Variants in SMARCA4 observed in about 807,000 individuals in gnomAD.
The protein encoded by SMARCA4 is SWI/SNF-related matrix-associated actin-dependent regulator of chromatin subfamily A member 4.
Under a neutral mutation model 193.9 loss-of-function variants are expected in SMARCA4, and 31 were observed. The observed-to-expected ratio is 0.16, with a 90% confidence interval of 0.12 to 0.22. The LOEUF is 0.22. Among genes scored for constraint, SMARCA4 ranks in the 10% least tolerant of loss-of-function variants. The probability of loss-of-function intolerance (pLI) is 1.00; values close to 1 mark genes in which losing one functional copy is unlikely to be tolerated. For missense variants in SMARCA4, 1,148 were observed against 2,296.0 expected (o/e 0.50, Z 10.22); for synonymous variants, 942 against 933.1 (o/e 1.01, Z -0.17).
In SMARCA4 at chr19:10,984,508, C is replaced by G; in HGVS notation, c.222+135C>G. 1.4e-6 allele frequency: 2 copies of G among 1,468,762 alleles called. No homozygotes were observed. The highest frequency in any genetic ancestry group is 2.5e-5 in the South Asian group (2 of 79,790). The allele number at this position is 1,468,762 out of a possible 1,614,324, so 91.0% of individuals were successfully genotyped here. A position where few individuals can be genotyped will look rare whatever the true frequency, so the allele number is the denominator to read the frequency against. Reference sequence around the variant, plus strand: ...GAGGTGTCCTGCCTTGGCTCAGCCCCCTACCCCAGGGCCCACGGCCATGAA... The same window carrying G: ...GAGGTGTCCTGCCTTGGCTCAGCCCGCTACCCCAGGGCCCACGGCCATGAA... On this transcript the variant is annotated intron_variant, in intron 2 of 34. Coordinates refer to ENST00000344626, the MANE Select transcript of SMARCA4 (RefSeq NM_003072.5). The surrounding 1 kb of genome is among the most constrained non-coding windows in gnomAD (Gnocchi z 4.3).
chr19:11,034,822 G>C lies in SMARCA4; in HGVS notation c.3952-92G>C. On this transcript the variant is annotated intron_variant, in intron 28 of 34. Transcript: ENST00000344626. This position sits in a 1 kb window ranked among gnomAD's most constrained non-coding sequence, Gnocchi z 7.0. ...AGCAGCGTGGAGCCCCACGGGCAGAGAAAGGCCCTTCTGAACTCTCGGTGT... is the reference window on the plus strand; with the variant it reads ...AGCAGCGTGGAGCCCCACGGGCAGACAAAGGCCCTTCTGAACTCTCGGTGT... 1.2e-6 allele frequency: 1 copy of C among 849,444 alleles called. No individual in the cohort carries two copies. Among genetic ancestry groups the C allele is most frequent in the Non-Finnish European group, 1.9e-6 (1 of 520,446 alleles). The allele number at this position is 849,444 out of a possible 1,614,324, so 52.6% of individuals were successfully genotyped here. A position where few individuals can be genotyped will look rare whatever the true frequency, so the allele number is the denominator to read the frequency against.
chr19:10,995,350 G>A lies in SMARCA4; in HGVS notation c.1593+349G>A, dbSNP rs143255428. 6.1e-4 allele frequency: 300 copies of A among 490,792 alleles called. 1 individual carries two copies. Among genetic ancestry groups the A allele is most frequent in the African/African-American group, 5.4e-3 (281 of 51,602 alleles). 30.4% of individuals were successfully genotyped at this position (490,792 alleles called of 1,614,324 possible). A position where few individuals can be genotyped will look rare whatever the true frequency, so the allele number is the denominator to read the frequency against. ...TCTCTGACCATTTATTTGTGACTGA[G>A]TCGCTGGTTGGGCAGATATTGGCAG... On this transcript the variant is annotated intron_variant, in intron 9 of 34. Transcript: ENST00000344626.
rs751879908 is a variant in SMARCA4, at chr19:11,058,318, G to A, written c.4488G>A (p.Glu1496=). Residue 1496 remains glutamate, a synonymous_variant, in exon 31 of 35, where the codon GAG becomes GAA. Coordinates refer to ENST00000344626, the MANE Select transcript of SMARCA4 (RefSeq NM_003072.5). This position sits in a 1 kb window ranked among gnomAD's most constrained non-coding sequence, Gnocchi z 5.8. Reference sequence around the variant, plus strand: ...TGCCCTCGCGAAAGGAGCTGCCCGAGTACTACGAGCTCATCCGCAAGCCCG... The same window carrying A: ...TGCCCTCGCGAAAGGAGCTGCCCGAATACTACGAGCTCATCCGCAAGCCCG... ...IQLPSRKELP[E]YYELIRKPVD... The A allele has an allele frequency of 1.9e-6, 3 of 1,613,532 alleles. No individual in the cohort carries two copies. Among genetic ancestry groups the A allele is most frequent in the Non-Finnish European group, 2.5e-6 (3 of 1,179,922 alleles).
intron 30 of SMARCA4, among the ~76,000 whole-genome samples, chr19:11,049,220 G>A (rs1191425110): frequency 6.6e-6 from 1 of 152,146 alleles, no homozygotes; most frequent in African/African-American, 2.4e-5. Flanking sequence ...GGCTTGAGTG[G>A]GGCTGCGCCA....
intron 16 of SMARCA4, among the ~76,000 whole-genome samples, chr19:11,017,159 G>A (rs552717443): frequency 6.6e-6 from 1 of 152,206 alleles, no homozygotes; most frequent in Non-Finnish European, 1.5e-5. Flanking sequence ...TCTGAGTGAG[G>A]ACCACAGGTT....
At position 10,987,433 on chromosome 19, in the gene SMARCA4, C is replaced by T. The variant is rs748973358; in HGVS notation, c.860-233C>T. Among the ~76,000 whole-genome samples, 1 of 152,144 alleles carries T rather than the reference C, an allele frequency of 6.6e-6. No homozygotes were observed. Among genetic ancestry groups the T allele is most frequent in the African/African-American group, 2.4e-5 (1 of 41,434 alleles). On this transcript the variant is annotated intron_variant, in intron 5 of 34. Coordinates refer to ENST00000344626, the MANE Select transcript of SMARCA4 (RefSeq NM_003072.5). This position sits in a 1 kb window ranked among gnomAD's most constrained non-coding sequence, Gnocchi z 5.3. The stretch of plus-strand genomic sequence containing the variant: ...TAGAGCCACAGACAGAACAAAAAGG[C>T]CTTGGGAGCCTGGGGCTGGCCCCAG...
chr19:11,046,485 C>A (rs2075925138), intron 30 of SMARCA4, among the ~76,000 whole-genome samples: 2 of 152,076 alleles, frequency 1.3e-5, no homozygotes, highest in Non-Finnish European at 2.9e-5. Flanking sequence ...TGGGGGTCGC[C>A]CATTGGACTG....
In SMARCA4 at chr19:11,041,598, T is replaced by G. The variant is rs2075618534; in HGVS notation, c.4424+38T>G. 2 of 1,596,254 alleles carry G rather than the reference T, an allele frequency of 1.3e-6. No homozygotes were observed. Among genetic ancestry groups the G allele is most frequent in the Admixed American group, 3.3e-5 (2 of 59,792 alleles). On this transcript the variant is annotated intron_variant, in intron 30 of 34. Transcript: ENST00000344626. The surrounding 1 kb of genome is among the most constrained non-coding windows in gnomAD (Gnocchi z 5.6). Reference sequence around the variant, plus strand: ...GCGGGGAGGGCGGGGGCTGTAGGGGTCCCCGTGGGAGCAGGCCTGGCATCT... The same window carrying G: ...GCGGGGAGGGCGGGGGCTGTAGGGGGCCCCGTGGGAGCAGGCCTGGCATCT...
At position 11,024,323 on chromosome 19, in the gene SMARCA4, C is replaced by A. The variant is rs762963492; in HGVS notation, c.2974-8C>A. On this transcript the variant is annotated splice_region_variant and splice_polypyrimidine_tract_variant and intron_variant, in intron 20 of 34. Coordinates refer to ENST00000344626, the MANE Select transcript of SMARCA4 (RefSeq NM_003072.5). ...TGGGCCCTCGTGAGCATTATGTGTCCCCTGCAGGTGGAGTACGTCATCAAG... is the reference window on the plus strand; with the variant it reads ...TGGGCCCTCGTGAGCATTATGTGTCACCTGCAGGTGGAGTACGTCATCAAG... The A allele has an allele frequency of 6.3e-7, 1 of 1,597,302 alleles. No individual in the cohort carries two copies. The highest frequency in any genetic ancestry group is 8.6e-7 in the Non-Finnish European group (1 of 1,165,376).
At position 10,984,525 on chromosome 19, in the gene SMARCA4, G is replaced by A. The variant is rs1340125253; in HGVS notation, c.222+152G>A. On this transcript the variant is annotated intron_variant, in intron 2 of 34. Coordinates refer to ENST00000344626, the MANE Select transcript of SMARCA4 (RefSeq NM_003072.5). The surrounding 1 kb of genome is among the most constrained non-coding windows in gnomAD (Gnocchi z 4.3). ...CTCAGCCCCCTACCCCAGGGCCCAC[G>A]GCCATGAACAGAAGGTTCAGCTCGT... 1.5e-5 allele frequency: 21 copies of A among 1,371,932 alleles called. No homozygotes were observed. Among genetic ancestry groups the A allele is most frequent in the East Asian group, 5.0e-5 (2 of 40,008 alleles). The allele number at this position is 1,371,932 out of a possible 1,614,324, so 85.0% of individuals were successfully genotyped here.
At chr19:10,978,879 G>A (rs767768812) in intron 1 of SMARCA4, among the ~76,000 whole-genome samples, 1 of 152,008 alleles carries the variant, frequency 6.6e-6, no homozygotes, top group Non-Finnish European at 1.5e-5. Flanking sequence ...AACCTAGGAG[G>A]CGGAGGTTGC....
intron 1 of SMARCA4, among the ~76,000 whole-genome samples, chr19:10,971,367 C>T (rs1232678086): frequency 6.6e-6 from 1 of 152,186 alleles, no homozygotes; most frequent in Non-Finnish European, 1.5e-5. Context: ...CAGATCTCTG[C>T]TCAGACATCT....
At chr19:11,013,536 A>C (rs1427653006) in intron 16 of SMARCA4, among the ~76,000 whole-genome samples, 2 of 152,066 alleles carry the variant, frequency 1.3e-5, no homozygotes, top group Non-Finnish European at 1.5e-5. Context: ...GCACAGCTCC[A>C]CCCGTCACAG....
At chr19:11,037,573 G>T (rs898649271) in intron 29 of SMARCA4, among the ~76,000 whole-genome samples, 1 of 152,094 alleles carries the variant, frequency 6.6e-6, no homozygotes, top group African/African-American at 2.4e-5. Context: ...TAAATATTTT[G>T]TTCCATTCTG....
rs532788514 is a variant in SMARCA4 at position 10,964,632 on chromosome 19, T to C, written c.-32+3458T>C. On this transcript the variant is annotated intron_variant, in intron 1 of 34. Transcript: ENST00000344626. ...CGCGCCCGGCCTCTTTTTTTTTTTTTCTTATGAGACAGAGTCATTCTGTCG... is the reference window on the plus strand; with the variant it reads ...CGCGCCCGGCCTCTTTTTTTTTTTTCCTTATGAGACAGAGTCATTCTGTCG... Among the ~76,000 whole-genome samples the C allele has an allele frequency of 3.9e-3, 582 of 151,052 alleles. 4 individuals carry two copies. Among genetic ancestry groups the C allele is most frequent in the African/African-American group, 0.013 (532 of 41,136 alleles).
At chr19:11,008,437 G>C in intron 14 of SMARCA4, 1 of 328,242 alleles carries the variant, frequency 3.0e-6, no homozygotes. Flanking sequence ...ACATTGGTGT[G>C]CACCTTGTTA....
intron 30 of SMARCA4, among the ~76,000 whole-genome samples, chr19:11,042,011 T>C (rs2075646717): frequency 6.6e-6 from 1 of 152,182 alleles, no homozygotes; most frequent in Non-Finnish European, 1.5e-5. Context: ...GAGGCTGGCA[T>C]GTCTGGAGCA....
intron 34 of SMARCA4, among the ~76,000 whole-genome samples, chr19:11,061,312 G>A (rs1022241590): frequency 2.7e-5 from 4 of 148,878 alleles, no homozygotes; most frequent in African/African-American, 1.0e-4. Flanking sequence ...AGGGGCCAAG[G>A]GCCAGGCAGG....
intron 18 of SMARCA4, chr19:11,020,441 C>T (rs1394132163): frequency 1.3e-5 from 2 of 151,834 alleles, no homozygotes; most frequent in Admixed American, 6.5e-5. Flanking sequence ...GACCGAGTCT[C>T]GCTCTGTTGC....
Sources: gnomAD v4.1 joint callset for allele counts (sites outside exome capture counted in the v4.1 genomes callset) on GRCh38, gnomAD v4.1.1 for gene constraint, Gnocchi (gnomAD v3.1) non-coding constraint, MANE v1.5 for transcripts, NCBI Gene and HGNC (gene_info 2026-07-23, HGNC 2026-07-21) for gene names.